TFEC: variants seen among roughly 807,000 people sequenced by gnomAD.
The protein encoded by TFEC is class E basic helix-loop-helix protein 34.
In TFEC, 31 loss-of-function variants were observed where a neutral mutation model predicts 41.6. The ratio of observed to expected loss-of-function variants is 0.74; its 90% CI spans 0.56 to 1.01. TFEC has a LOEUF of 1.01. Among genes scored for constraint, TFEC ranks in the 50% least tolerant of loss-of-function variants. TFEC has a pLI of 0.00. For missense variants in TFEC, 402 were observed against 404.1 expected (o/e 0.99, Z 0.04); for synonymous variants, 143 against 140.6 (o/e 1.02, Z -0.12).
chr7:116,006,018 A>G (rs1334665765), intron 1 of TFEC, among the ~76,000 whole-genome samples: 1 of 152,226 alleles, frequency 6.6e-6, no homozygotes, highest in Non-Finnish European at 1.5e-5. Context: ...GAAGTCAAGA[A>G]TTGAGGTTTG....
At chr7:116,018,012 T>C (rs1795259578) in intron 1 of TFEC, among the ~76,000 whole-genome samples, 1 of 152,012 alleles carries the variant, frequency 6.6e-6, no homozygotes, top group Non-Finnish European at 1.5e-5. Flanking sequence ...TAAATATTAA[T>C]TAAATGAACA....
At chr7:116,005,130 G>A (rs1292538378) in intron 1 of TFEC, among the ~76,000 whole-genome samples, 1 of 152,190 alleles carries the variant, frequency 6.6e-6, no homozygotes, top group Non-Finnish European at 1.5e-5. Context: ...TGCCCAGTCT[G>A]AGGTATGTCT....
At chr7:116,123,882 A>G (rs1313106519) in intron 1 of TFEC, among the ~76,000 whole-genome samples, 4 of 152,140 alleles carry the variant, frequency 2.6e-5, no homozygotes, top group African/African-American at 9.7e-5. Flanking sequence ...CATGGTTTAA[A>G]TGTGTCTATA....
intron 3 of TFEC, among the ~76,000 whole-genome samples, chr7:115,959,696 G>GA (rs1435650732): frequency 1.3e-5 from 2 of 149,666 alleles, no homozygotes; most frequent in Non-Finnish European, 3.0e-5. Flanking sequence ...AGAATGCTTA[G>GA]AAAAAAAATC....
chr7:116,023,083 CAAA>C (rs10714429), intron 1 of TFEC, among the ~76,000 whole-genome samples: 13 of 135,068 alleles, frequency 9.6e-5, no homozygotes, highest in Admixed American at 1.5e-4. Flanking sequence ...GTTCTTCCAG[CAAA>C]AAAAAAAAAA....
chr7:116,106,218 A>T (rs1363759571), intron 3 of TFEC, among the ~76,000 whole-genome samples: 1 of 152,202 alleles, frequency 6.6e-6, no homozygotes, highest in Non-Finnish European at 1.5e-5. Flanking sequence ...AAATTAATAA[A>T]TACTTGTTGA....
chr7:116,046,618 C>T (rs1044928495), intron 3 of TFEC, among the ~76,000 whole-genome samples: 1 of 152,018 alleles, frequency 6.6e-6, no homozygotes, highest in African/African-American at 2.4e-5. Context: ...AGCCTTAATC[C>T]AACATGAATA....
chr7:116,111,463 C>T (rs1013315330), intron 2 of TFEC, among the ~76,000 whole-genome samples: 8 of 151,988 alleles, frequency 5.3e-5, no homozygotes, highest in South Asian at 2.1e-4. Context: ...TACATCTCCC[C>T]GGATGAAAGT....
chr7:115,985,952 C>T (rs1382505798), intron 1 of TFEC, among the ~76,000 whole-genome samples: 1 of 152,088 alleles, frequency 6.6e-6, no homozygotes, highest in Non-Finnish European at 1.5e-5. Flanking sequence ...TCACACTATG[C>T]AACTGAATGC....
At chr7:115,983,547 C>G (rs1242209847) in intron 2 of TFEC, among the ~76,000 whole-genome samples, 2 of 152,050 alleles carry the variant, frequency 1.3e-5, no homozygotes, top group African/African-American at 2.4e-5. Context: ...AAAGAAAGCT[C>G]AGTTATTAAT....
At chr7:116,043,297 C>T (rs994188666) in intron 3 of TFEC, among the ~76,000 whole-genome samples, 1 of 151,874 alleles carries the variant, frequency 6.6e-6, no homozygotes, top group African/African-American at 2.4e-5. Flanking sequence ...ATTATTCTCT[C>T]AAGACAATTT....
rs569480964 is a variant in TFEC, at chr7:116,062,225, C to CTTTTTTT, written c.198+48476_198+48482dup. 5.4e-3 allele frequency among the ~76,000 whole-genome samples: 279 copies of CTTTTTTT among 51,900 alleles called. 3 individuals carry two copies. The highest frequency in any genetic ancestry group is 9.1e-3 in the African/African-American group (81 of 8,890). 34.0% of individuals were successfully genotyped at this position (51,900 alleles called of 152,430 possible). A position where few individuals can be genotyped will look rare whatever the true frequency, so the allele number is the denominator to read the frequency against. On this transcript the variant is annotated intron_variant, in intron 3 of 8. Transcript: ENST00000484212. ...ACAGGCATGTGCCAACATGCCTGGC[C>CTTTTTTT]TTTTTTTTTTTTTTTTTTTTTTTTT... is the stretch of plus-strand genomic sequence containing the variant.
At chr7:115,945,180 T>C (rs1207537083) in intron 6 of TFEC, among the ~76,000 whole-genome samples, 1 of 151,170 alleles carries the variant, frequency 6.6e-6, no homozygotes, top group Non-Finnish European at 1.5e-5. Flanking sequence ...AATTTCCTCA[T>C]TGTCATAACA....
intron 1 of TFEC, among the ~76,000 whole-genome samples, chr7:115,990,982 A>C (rs892613702): frequency 6.6e-6 from 1 of 152,194 alleles, no homozygotes; most frequent in Non-Finnish European, 1.5e-5. Flanking sequence ...AGCCAGAGAG[A>C]AAGGTCAGGT....
intron 2 of TFEC, among the ~76,000 whole-genome samples, chr7:115,982,371 T>C (rs1202451975): frequency 6.6e-6 from 1 of 152,214 alleles, no homozygotes; most frequent in Non-Finnish European, 1.5e-5. Flanking sequence ...AGCTATACTA[T>C]ACTGACTATA....
chr7:116,026,543 T>C (rs1795593289), intron 1 of TFEC, among the ~76,000 whole-genome samples: 1 of 152,118 alleles, frequency 6.6e-6, no homozygotes, highest in Non-Finnish European at 1.5e-5. Context: ...AGATATTAAT[T>C]AAATTACTGA....
At chr7:116,153,520 T>C (rs1798805468) in intron 1 of TFEC, among the ~76,000 whole-genome samples, 1 of 152,216 alleles carries the variant, frequency 6.6e-6, no homozygotes, top group South Asian at 2.1e-4. Context: ...CCCAAAGTGC[T>C]GGGATTACAG....
intron 1 of TFEC, among the ~76,000 whole-genome samples, chr7:115,997,850 G>A (rs1429515439): frequency 2.6e-5 from 4 of 152,142 alleles, no homozygotes; most frequent in South Asian, 2.1e-4. Flanking sequence ...AATTCATCAA[G>A]CAGAAGAAAG....
intron 3 of TFEC, among the ~76,000 whole-genome samples, chr7:115,971,679 C>A (rs1793141979): frequency 6.6e-6 from 1 of 151,900 alleles, no homozygotes; most frequent in Admixed American, 6.6e-5. Flanking sequence ...GAAATGGGGC[C>A]ACCAGAATTG....
Sources: gnomAD v4.1 joint callset for allele counts (sites outside exome capture counted in the v4.1 genomes callset) on GRCh38, gnomAD v4.1.1 for gene constraint, MANE v1.5 for transcripts, NCBI Gene and HGNC (gene_info 2026-07-23, HGNC 2026-07-21) for gene names.